Variants in GRIN1 observed in about 807,000 individuals in gnomAD.
The protein encoded by GRIN1 is glutamate ionotropic receptor NMDA type subunit 1.
GRIN1 carries 38 observed loss-of-function variants against 103.0 expected under a neutral mutation model. The ratio of observed to expected loss-of-function variants is 0.37; its 90% CI spans 0.28 to 0.48. The LOEUF is 0.48. Ranked by LOEUF, GRIN1 falls within the 20% of genes least tolerant of loss-of-function variation. GRIN1 has a pLI of 0.98. For missense variants in GRIN1, 577 were observed against 1,288.9 expected, an observed-to-expected ratio of 0.45 and a Z score of 8.46; for synonymous variants, 544 against 532.7, an observed-to-expected ratio of 1.02 and a Z score of -0.29.
chr9:137,146,024 G>T lies in GRIN1; in HGVS notation c.570+122G>T. The T allele has an allele frequency of 1.4e-6, 1 of 736,926 alleles. No individual in the cohort carries two copies. The highest frequency in any genetic ancestry group is 2.3e-6 in the Non-Finnish European group (1 of 443,794). The allele number at this position is 736,926 out of a possible 1,614,324, so 45.6% of individuals were successfully genotyped here. ...CATCGTGCATGGTCAGCACCACCAC[G>T]TCTGGCGAGCGCCCGCCCCAGCCTG... is the stretch of plus-strand genomic sequence containing the variant. On this transcript the variant is annotated intron_variant, in intron 3 of 19. Transcript: ENST00000371561. The surrounding 1 kb of genome is among the most constrained non-coding windows in gnomAD (Gnocchi z 6.7).
In GRIN1 at chr9:137,148,206, G is replaced by A; in HGVS notation, c.571-803G>A. On this transcript the variant is annotated intron_variant, in intron 3 of 19. Coordinates refer to ENST00000371561, the MANE Select transcript of GRIN1 (RefSeq NM_007327.4). ...CCAACTGTCCTATGACAACAAGCGC[G>A]GACCCAAGGTATATATGCATGGACG... 2 of 1,545,278 alleles carry A rather than the reference G, an allele frequency of 1.3e-6. No individual in the cohort carries two copies. Among genetic ancestry groups the A allele is most frequent in the South Asian group, 1.2e-5 (1 of 84,002 alleles).
Position 137,163,672 on chromosome 9 carries a change from C to T in GRIN1, c.2443+4C>T, listed in dbSNP as rs1833690991. The stretch of plus-strand genomic sequence containing the variant: ...CTTACTTTTGAGAACATGGCCGGTG[C>T]GTTCTCCTTCATCCATTCTCGGGTG... On this transcript the variant is annotated splice_donor_region_variant and intron_variant, in intron 17 of 19. Transcript: ENST00000371561. 3 of 1,611,962 alleles carry T rather than the reference C, an allele frequency of 1.9e-6. No individual in the cohort carries two copies. Among genetic ancestry groups the T allele is most frequent in the African/African-American group, 1.3e-5 (1 of 74,872 alleles).
chr9:137,141,884 G>A lies in GRIN1; in HGVS notation c.259-129G>A, dbSNP rs1832184723. ...GCATCTGGGCCTGGGCATGTAGCAT[G>A]TACCCGAATCATGCCCCCAGCCCCC... On this transcript the variant is annotated intron_variant, in intron 1 of 19. Transcript: ENST00000371561. 1.6e-5 allele frequency: 16 copies of A among 973,834 alleles called. No individual in the cohort carries two copies. In the South Asian group the frequency reaches 1.9e-4, roughly 12 times the overall value. The allele number at this position is 973,834 out of a possible 1,614,324, so 60.3% of individuals were successfully genotyped here.
intron 6 of GRIN1, 57 bp from the exon 7 acceptor site, chr9:137,158,322 G>A: frequency 6.3e-7 from 1 of 1,584,580 alleles, no homozygotes; most frequent in Non-Finnish European, 8.7e-7. Flanking sequence ...GGAAGGAGCA[G>A]GGAGGAGCAG....
intron 1 of GRIN1, among the ~76,000 whole-genome samples, chr9:137,140,937 C>T (rs1269127091): frequency 1.3e-5 from 2 of 152,212 alleles, no homozygotes; most frequent in Non-Finnish European, 2.9e-5. Context: ...CAGCCCAGGA[C>T]ACCATGGGAT....
Position 137,162,210 on chromosome 9 carries a change from G to T in GRIN1, c.1671G>T (p.Pro557=). ...PRSTLDSFMQ[P]FQSTLWLLVG... ...GCACGCTGGACTCGTTCATGCAGCC[G>T]TTCCAGAGCACACTGTGGCTGCTGG... The change falls in exon 12 of 20, where the codon CCG becomes CCT. Residue 557 remains proline, a synonymous_variant. Coordinates refer to ENST00000371561, the MANE Select transcript of GRIN1 (RefSeq NM_007327.4). The T allele has an allele frequency of 1.3e-6, 2 of 1,544,422 alleles. No homozygotes were observed. The highest frequency in any genetic ancestry group is 8.7e-7 in the Non-Finnish European group (1 of 1,149,318).
At chr9:137,165,765 G>A (rs910765564) in intron 19 of GRIN1, among the ~76,000 whole-genome samples, 7 of 152,202 alleles carry the variant, frequency 4.6e-5, no homozygotes, top group Admixed American at 2.6e-4. Context: ...GACGGCCCTG[G>A]AGGGGGTGGC....
At chr9:137,149,290 T>A (rs1242261543) in intron 4 of GRIN1, among the ~76,000 whole-genome samples, 181 bp downstream of exon 4, 1 of 151,810 alleles carries the variant, frequency 6.6e-6, no homozygotes, top group African/African-American at 2.4e-5. Context: ...ATGGCTGATG[T>A]GACACCCTCC....
rs1224994760 is a variant in GRIN1, at chr9:137,161,318, G to A, written c.1369G>A (p.Gly457Ser). The change falls in exon 10 of 20, where the codon GGC becomes AGC. Residue 457 changes from glycine to serine, a missense_variant. Physicochemically the swap from Gly to Ser is moderately conservative, Grantham distance 56. This residue lies in a region of GRIN1 where 96 missense variants were observed against 145.0 expected (regional missense o/e 0.66). Transcript: ENST00000371561. Reference sequence around the variant, plus strand: ...CCACACGGTGCCTCAGTGTTGCTACGGCTTTTGCATCGACCTGCTCATCAA... The same window carrying A: ...CCACACGGTGCCTCAGTGTTGCTACAGCTTTTGCATCGACCTGCTCATCAA... ...PRHTVPQCCYGFCIDLLIKLA... is the reference protein window; with the variant it reads ...PRHTVPQCCYSFCIDLLIKLA... The A allele has an allele frequency of 6.2e-7, 1 of 1,612,640 alleles. No homozygotes were observed. Among genetic ancestry groups the A allele is most frequent in the Non-Finnish European group, 8.5e-7 (1 of 1,179,766 alleles).
At position 137,168,219 on chromosome 9, in the gene GRIN1, A is replaced by G. The variant is rs948117538; in HGVS notation, c.*692A>G. ...GAGCCACAGTGGGGCCCATGGCCCC[A>G]GCTGGCTGGGTCGCCCCTCCTCGGG... On this transcript the variant is annotated 3_prime_UTR_variant, in exon 20 of 20. Coordinates refer to ENST00000371561, the MANE Select transcript of GRIN1 (RefSeq NM_007327.4). The G allele has an allele frequency of 4.0e-5, 13 of 322,156 alleles. No homozygotes were observed. The highest frequency in any genetic ancestry group is 9.6e-5 in the Admixed American group (2 of 20,746). 20.0% of individuals were successfully genotyped at this position (322,156 alleles called of 1,614,324 possible).
chr9:137,167,528 G>T lies in GRIN1; in HGVS notation c.*1G>T. 6.5e-7 allele frequency: 1 copy of T among 1,548,766 alleles called. No homozygotes were observed. The highest frequency in any genetic ancestry group is 2.4e-5 in the East Asian group (1 of 41,968). Reference sequence around the variant, plus strand: ...GTGTTCCCGTCATAGGGAGAGCTGAGACTCCCCGCCCGCCCTCCTCTGCCC... The same window carrying T: ...GTGTTCCCGTCATAGGGAGAGCTGATACTCCCCGCCCGCCCTCCTCTGCCC... On this transcript the variant is annotated 3_prime_UTR_variant, in exon 20 of 20. Transcript: ENST00000371561.
chr9:137,163,023 C>G lies in GRIN1; in HGVS notation c.2171+20C>G. 1 of 1,574,576 alleles carries G rather than the reference C, an allele frequency of 6.4e-7. No homozygotes were observed. Among genetic ancestry groups the G allele is most frequent in the Non-Finnish European group, 8.6e-7 (1 of 1,162,450 alleles). On this transcript the variant is annotated intron_variant, in intron 15 of 19. Transcript: ENST00000371561. ...AGACAAGTGAGGCGCGGGCGGCCAC[C>G]CTGGCGGGGCGGGACAGGTGCGGGG...
intron 4 of GRIN1, 40 bp from the exon 5 acceptor site, chr9:137,156,629 G>A (rs1393797155): frequency 6.3e-7 from 1 of 1,590,656 alleles, no homozygotes; most frequent in Non-Finnish European, 8.5e-7. Context: ...CGCGGTGGGA[G>A]TGCTGGAGTC....
rs1832078049 is a variant in GRIN1 at position 137,139,974 on chromosome 9, G to A, written c.258+230G>A. ...CACCTGCCACCTTGGCTGGTCCTCA[G>A]AGGGCCCCTGGGGCTCCAGGCCCTG... On this transcript the variant is annotated intron_variant, in intron 1 of 19. Coordinates refer to ENST00000371561, the MANE Select transcript of GRIN1 (RefSeq NM_007327.4). This position sits in a 1 kb window ranked among gnomAD's most constrained non-coding sequence, Gnocchi z 7.7. 1.3e-5 allele frequency among the ~76,000 whole-genome samples: 2 copies of A among 152,206 alleles called. No individual in the cohort carries two copies. The highest frequency in any genetic ancestry group is 1.3e-4 in the Admixed American group (2 of 15,278).
At position 137,145,688 on chromosome 9, in the gene GRIN1, G is replaced by A. The variant is rs201269024; in HGVS notation, c.394-38G>A. The A allele has an allele frequency of 8.0e-4, 1,265 of 1,585,020 alleles. 13 individuals are homozygous for A. In the African/African-American group the frequency reaches 0.013, roughly 17 times the overall value. On this transcript the variant is annotated intron_variant, in intron 2 of 19. Transcript: ENST00000371561. ...GGCGGGTGGGAGGGCGGGTCCCCGC[G>A]GGTCCACCTCAGCCCGCCGTGCCCC...
intron 4 of GRIN1, among the ~76,000 whole-genome samples, chr9:137,151,605 A>G (rs1437449990): frequency 6.6e-6 from 1 of 152,094 alleles, no homozygotes; most frequent in African/African-American, 2.4e-5. Flanking sequence ...CCTACCAGAA[A>G]AAGCCCCGCC....
In GRIN1 at chr9:137,158,470, A is replaced by G. The variant is rs2131279843; in HGVS notation, c.1060A>G (p.Met354Val). The G allele has an allele frequency of 1.2e-6, 2 of 1,613,546 alleles. No individual in the cohort carries two copies. Among genetic ancestry groups the G allele is most frequent in the East Asian group, 4.5e-5 (2 of 44,882 alleles). ...GDRKFANYSI[M>V]NLQNRKLVQV... ...CCGGAAGTTCGCCAACTACAGCATC[A>G]TGAACCTGCAGAACCGCAAGCTGGT... Residue 354 changes from methionine (M) to valine (V), a missense_variant, in exon 7 of 20, where the codon ATG (methionine) becomes GTG (valine). Met to Val is a conservative substitution (Grantham distance 21, BLOSUM62 1). Coordinates refer to ENST00000371561, the MANE Select transcript of GRIN1 (RefSeq NM_007327.4).
At position 137,168,315 on chromosome 9, in the gene GRIN1, C is replaced by CTG. The variant is rs1833987281; in HGVS notation, c.*789_*790dup. 4.7e-6 allele frequency: 1 copy of CTG among 211,890 alleles called. No homozygotes were observed. Among genetic ancestry groups the CTG allele is most frequent in the Non-Finnish European group, 9.4e-6 (1 of 106,698 alleles). The allele number at this position is 211,890 out of a possible 1,614,324, so 13.1% of individuals were successfully genotyped here. On this transcript the variant is annotated 3_prime_UTR_variant, in exon 20 of 20. Coordinates refer to ENST00000371561, the MANE Select transcript of GRIN1 (RefSeq NM_007327.4). ...GCGGCACCGCCCACCCACACCCCGT[C>CTG]TGCCCCTTGACCCCACACGCCGGGG...
Position 137,163,220 on chromosome 9 carries a change from GCAGAAGTGCGACCTGGTGACGAC to G in GRIN1, c.2224_2246del (p.Gln742TrpfsTer50). The G allele has an allele frequency of 6.2e-7, 1 of 1,613,692 alleles. No homozygotes were observed. Among genetic ancestry groups the G allele is most frequent in the Non-Finnish European group, 8.5e-7 (1 of 1,179,966 alleles). ...CGGCGGTGCTGGAGTTCGAGGCCTC[GCAGAAGTGCGACCTGGTGACGAC>G]TGGAGAGCTGTTTTTCCGCTCGGGC... On this transcript the variant is annotated frameshift_variant, in exon 16 of 20. Transcript: ENST00000371561. LOFTEE classifies it high-confidence loss of function.
Sources: gnomAD v4.1 joint callset for allele counts (sites outside exome capture counted in the v4.1 genomes callset) on GRCh38, gnomAD v4.1.1 for gene constraint, gnomAD v4.1.1 regional missense constraint, Gnocchi (gnomAD v3.1) non-coding constraint, MANE v1.5 for transcripts, NCBI Gene and HGNC (gene_info 2026-07-23, HGNC 2026-07-21) for gene names.